CCDC88C: variants seen among roughly 807,000 people sequenced by gnomAD.
The protein encoded by CCDC88C is protein Daple.
In CCDC88C, 131 loss-of-function variants were observed where a neutral mutation model predicts 198.8. The observed-to-expected ratio is 0.66, with a 90% CI of 0.57 to 0.76. The LOEUF (loss-of-function observed/expected upper bound fraction) is 0.76. Among genes scored for constraint, CCDC88C ranks in the 30% least tolerant of loss-of-function variants. The probability of loss-of-function intolerance (pLI) is 0.00; values close to 1 mark genes in which losing one functional copy is unlikely to be tolerated. For synonymous variants in CCDC88C, 1,166 were observed against 1,114.7 expected (o/e 1.05, Z -0.92); for missense variants, 2,553 against 2,631.6 (o/e 0.97, Z 0.65).
chr14:91,300,832 C>T (rs1017615511), intron 20 of CCDC88C, among the ~76,000 whole-genome samples: 7 of 152,192 alleles, frequency 4.6e-5, no homozygotes, highest in South Asian at 2.1e-4. Flanking sequence ...GTTTCAACCT[C>T]GTGTGTTCAC....
At chr14:91,396,530 C>CT (rs1885856432) in intron 3 of CCDC88C, among the ~76,000 whole-genome samples, 1 of 152,152 alleles carries the variant, frequency 6.6e-6, no homozygotes, top group Admixed American at 6.5e-5. Flanking sequence ...CGGAGCTGAA[C>CT]GAGAGCTAAC....
intron 3 of CCDC88C, among the ~76,000 whole-genome samples, chr14:91,397,139 G>A (rs956633895): frequency 2.6e-5 from 4 of 152,112 alleles, no homozygotes; most frequent in African/African-American, 9.7e-5. Flanking sequence ...GGGGCCTGGG[G>A]GAAGTCCCGA....
At position 91,326,237 on chromosome 14, in the gene CCDC88C, G is replaced by A. The variant is rs879557194; in HGVS notation, c.1051-181C>T. Among the ~76,000 whole-genome samples, 13 of 151,470 alleles carry A rather than the reference G, an allele frequency of 8.6e-5. 1 individual carries two copies. The highest frequency in any genetic ancestry group is 3.3e-4 in the Admixed American group (5 of 15,218). On this transcript the variant is annotated intron_variant, in intron 10 of 29. Transcript: ENST00000389857. ...ATCATCTTCACCTTTTTTTTGAGAC[G>A]GAATGTCACTCTGTCGCCCAGGCTG...
chr14:91,367,336 A>G (rs558952378), intron 3 of CCDC88C, among the ~76,000 whole-genome samples: 5 of 152,344 alleles, frequency 3.3e-5, no homozygotes, highest in African/African-American at 1.2e-4. Flanking sequence ...AACAGCAAAG[A>G]GAGCCTTCCA....
intron 22 of CCDC88C, among the ~76,000 whole-genome samples, chr14:91,295,298 T>C (rs1428894243): frequency 6.6e-6 from 1 of 152,244 alleles, no homozygotes; most frequent in Non-Finnish European, 1.5e-5. Context: ...ATTTTTTCAC[T>C]AAAAATACTT....
chr14:91,289,005 C>T (rs1890538528), intron 25 of CCDC88C, 100 bp downstream of exon 25: 1 of 954,244 alleles, frequency 1.0e-6, no homozygotes, highest in African/African-American at 1.6e-5. Flanking sequence ...CAGTCACCCA[C>T]CCCTGGCACG....
chr14:91,401,068 A>G (rs1310064619), intron 3 of CCDC88C, among the ~76,000 whole-genome samples: 1 of 151,674 alleles, frequency 6.6e-6, no homozygotes, highest in Non-Finnish European at 1.5e-5. Flanking sequence ...GTAAATGAAA[A>G]AAAGGCAGGT....
At chr14:91,388,687 G>A (rs888878056) in intron 3 of CCDC88C, among the ~76,000 whole-genome samples, 7 of 152,194 alleles carry the variant, frequency 4.6e-5, no homozygotes, top group Admixed American at 3.9e-4. Flanking sequence ...AAAAAGGATC[G>A]AAACACTCAA....
chr14:91,290,037 G>A (rs947433185), intron 24 of CCDC88C, among the ~76,000 whole-genome samples: 4 of 152,148 alleles, frequency 2.6e-5, no homozygotes, highest in Admixed American at 6.5e-5. Context: ...TTGGGAGGCC[G>A]AGGTGGGTGG....
chr14:91,405,945 G>A (rs1370855560), intron 3 of CCDC88C, among the ~76,000 whole-genome samples: 3 of 152,194 alleles, frequency 2.0e-5, no homozygotes, highest in African/African-American at 4.8e-5. Context: ...CATTTGCTCT[G>A]AGCTGGGCCG....
At chr14:91,364,038 C>A (rs1181212181) in intron 3 of CCDC88C, among the ~76,000 whole-genome samples, 4 of 152,268 alleles carry the variant, frequency 2.6e-5, no homozygotes, top group African/African-American at 9.6e-5. Context: ...GTGCTCTGGA[C>A]AGGCCCCCAC....
At position 91,278,081 on chromosome 14, in the gene CCDC88C, G is replaced by A; in HGVS notation, c.4899C>T (p.Tyr1633=). 6.2e-7 allele frequency: 1 copy of A among 1,612,628 alleles called. No individual in the cohort carries two copies. The change falls in exon 29 of 30, where the codon TAC becomes TAT. Residue 1633 remains tyrosine (Y), a synonymous_variant. Coordinates refer to ENST00000389857, the MANE Select transcript of CCDC88C (RefSeq NM_001080414.4). ...PGRNALGRHE[Y]PLPRNGPLPQ... is the part of the protein sequence containing the mutation. ...GGAGAGGCCCGTTCCGAGGCAAGGGGTACTCGTGGCGGCCGAGGGCGTTGC... is the reference window on the plus strand; with the variant it reads ...GGAGAGGCCCGTTCCGAGGCAAGGGATACTCGTGGCGGCCGAGGGCGTTGC...
At chr14:91,307,445 G>C (rs1398734894) in intron 17 of CCDC88C, among the ~76,000 whole-genome samples, 1 of 152,162 alleles carries the variant, frequency 6.6e-6, no homozygotes, top group Non-Finnish European at 1.5e-5. Flanking sequence ...CAGGGAGGTG[G>C]GGGCCTGCAA....
rs745338278 is a variant in CCDC88C, at chr14:91,339,379, G to A, written c.708C>T (p.Ser236=). Residue 236 remains serine, a synonymous_variant, in exon 8 of 30, where the codon TCC becomes TCT. Coordinates refer to ENST00000389857, the MANE Select transcript of CCDC88C (RefSeq NM_001080414.4). This position sits in a 1 kb window ranked among gnomAD's most constrained non-coding sequence, Gnocchi z 5.8. ...PSPIKSSSAD[S]TPSPTSSLSS... is the part of the protein sequence containing the mutation. ...AGAGGCTGCTGGTGGGGCTGGGAGTGGAGTCGGCGCTGGAGGACTTGATGG... is the reference window on the plus strand; with the variant it reads ...AGAGGCTGCTGGTGGGGCTGGGAGTAGAGTCGGCGCTGGAGGACTTGATGG... 2.9e-5 allele frequency: 46 copies of A among 1,613,596 alleles called. No individual in the cohort carries two copies. Among genetic ancestry groups the A allele is most frequent in the African/African-American group, 8.0e-5 (6 of 74,926 alleles).
chr14:91,310,532 T>A (rs1891773381), intron 15 of CCDC88C, among the ~76,000 whole-genome samples: 1 of 152,122 alleles, frequency 6.6e-6, no homozygotes, highest in African/African-American at 2.4e-5. Flanking sequence ...CACCTCAGCC[T>A]CCTCAGTAGC....
At chr14:91,388,056 A>T (rs954458139) in intron 3 of CCDC88C, among the ~76,000 whole-genome samples, 3 of 152,138 alleles carry the variant, frequency 2.0e-5, no homozygotes, top group Non-Finnish European at 4.4e-5. Context: ...AGGTCCCTGC[A>T]AGCTTGAACA....
chr14:91,403,120 C>T (rs530957831), intron 3 of CCDC88C, among the ~76,000 whole-genome samples: 3 of 152,304 alleles, frequency 2.0e-5, no homozygotes, highest in African/African-American at 4.8e-5. Context: ...GAGAGCAGCC[C>T]GCCCAGAGAG....
intron 4 of CCDC88C, among the ~76,000 whole-genome samples, chr14:91,358,918 C>A (rs1313595714): frequency 1.3e-5 from 2 of 152,170 alleles, no homozygotes; most frequent in East Asian, 3.9e-4. Context: ...TGAGCTCCGT[C>A]ACCGAGCATG....
At chr14:91,292,377 CCCT>C (rs1890696956) in intron 23 of CCDC88C, among the ~76,000 whole-genome samples, 1 of 145,388 alleles carries the variant, frequency 6.9e-6, no homozygotes, top group Admixed American at 6.8e-5. Flanking sequence ...CAAATAATCC[CCCT>C]GAGTGCTCCT....
Sources: allele counts gnomAD v4.1 joint callset (sites outside exome capture counted in the v4.1 genomes callset), GRCh38; gene constraint gnomAD v4.1.1; non-coding constraint Gnocchi (gnomAD v3.1); transcripts MANE v1.5; gene names NCBI Gene and HGNC (gene_info 2026-07-23, HGNC 2026-07-21).